TM4SF1: variants seen among roughly 807,000 people sequenced by gnomAD.
TM4SF1 encodes the protein transmembrane 4 L6 family member 1.
Under a neutral mutation model 24.5 loss-of-function variants are expected in TM4SF1, and 20 were observed. The observed-to-expected ratio is 0.82, with a 90% CI of 0.57 to 1.19. The LOEUF (loss-of-function observed/expected upper bound fraction) is 1.19. Among genes scored for constraint, TM4SF1 ranks in the 50% most tolerant of loss-of-function variants. The pLI, the probability that TM4SF1 is intolerant of heterozygous loss-of-function variation, is 0.00. For missense variants in TM4SF1, 258 were observed against 248.1 expected (o/e 1.04, Z -0.27); for synonymous variants, 107 against 95.4 (o/e 1.12, Z -0.71).
chr3:149,371,593 T>TC, intron 4 of TM4SF1, 94 bp downstream of exon 4: 1 of 1,271,820 alleles, frequency 7.9e-7, no homozygotes, highest in South Asian at 1.2e-5. Flanking sequence ...TGCTGGTAGG[T>TC]CGAGCATGTT....
At chr3:149,369,920 TAAATAATGATGAC>T in intron 4 of TM4SF1, 40 bp from the exon 5 acceptor site, 1 of 1,586,546 alleles carries the variant, frequency 6.3e-7, no homozygotes, top group Non-Finnish European at 8.5e-7. Flanking sequence ...ATAATCAGGA[TAAATAATGATGAC>T]ATTTTAGTCC....
rs191701440 is a variant in TM4SF1, at chr3:149,371,167, C to G, written c.594+520G>C. 8.6e-4 allele frequency: 132 copies of G among 154,234 alleles called. 1 individual carries two copies. The highest frequency in any genetic ancestry group is 9.2e-4 in the Non-Finnish European group (64 of 69,482). The allele number at this position is 154,234 out of a possible 1,614,324, so 9.6% of individuals were successfully genotyped here. On this transcript the variant is annotated intron_variant, in intron 4 of 4. Transcript: ENST00000305366. ...AATTGCAGAAAATCCAACCAAACAG[C>G]AAGTGTGGAATACAGGTTAAAAGTA...
chr3:149,375,339 G>C, intron 3 of TM4SF1, 104 bp downstream of exon 3: 1 of 1,420,584 alleles, frequency 7.0e-7, no homozygotes, highest in South Asian at 1.3e-5. Context: ...CTGGCTAGGT[G>C]GGTGGATGGA....
chr3:149,370,232 T>A (rs779155690), intron 4 of TM4SF1: 28 of 196,078 alleles, frequency 1.4e-4, no homozygotes, highest in Non-Finnish European at 2.5e-4. Context: ...CCTTTCAAAT[T>A]AAATGCTACC....
At chr3:149,369,992 G>T (rs1731782448) in intron 4 of TM4SF1, 112 bp from the exon 5 acceptor site, 1 of 1,353,526 alleles carries the variant, frequency 7.4e-7, no homozygotes, top group African/African-American at 1.5e-5. Flanking sequence ...CTTAGCTTCA[G>T]CAAAGCTTAG....
At chr3:149,376,520 T>A (rs534996459) in intron 1 of TM4SF1, among the ~76,000 whole-genome samples, 61 of 152,180 alleles carry the variant, frequency 4.0e-4, no homozygotes, top group Non-Finnish European at 8.2e-4. Flanking sequence ...AAAATAAAAT[T>A]AAATAAAATC....
intron 1 of TM4SF1, among the ~76,000 whole-genome samples, chr3:149,376,537 A>G (rs1262202428): frequency 6.6e-6 from 1 of 152,238 alleles, no homozygotes; most frequent in African/African-American, 2.4e-5. Flanking sequence ...AATCTCATTA[A>G]ATAAATAATT....
intron 3 of TM4SF1, among the ~76,000 whole-genome samples, chr3:149,374,740 T>C (rs1360802133): frequency 6.6e-6 from 1 of 151,756 alleles, no homozygotes; most frequent in Non-Finnish European, 1.5e-5. Context: ...TGAGTGCATG[T>C]ATACACAGGG....
rs1576851015 is a variant in TM4SF1 at position 149,377,499 on chromosome 3, G to A, written c.49C>T (p.Leu17Phe). The A allele has an allele frequency of 6.2e-7, 1 of 1,614,106 alleles. No individual in the cohort carries two copies. ...ARCIGHSLVGLALLCIAANIL... is the reference protein window; with the variant it reads ...ARCIGHSLVGFALLCIAANIL... The stretch of plus-strand genomic sequence containing the variant: ...TTAGCCGCGATGCACAGGAGGGCGA[G>A]CCCCACCAGAGAATGTCCGATGCAT... Residue 17 changes from leucine (L) to phenylalanine (F), a missense_variant, in exon 1 of 5, where the codon CTC becomes TTC. Leu to Phe is a conservative substitution (Grantham distance 22, BLOSUM62 0). Coordinates refer to ENST00000305366, the MANE Select transcript of TM4SF1 (RefSeq NM_014220.3).
rs1307431333 is a variant in TM4SF1, at chr3:149,371,737, T to C, written c.544A>G (p.Ile182Val). The change falls in exon 4 of 5, where the codon ATA becomes GTA. Residue 182 changes from isoleucine to valine, a missense_variant. By Grantham distance (29) the Ile-to-Val change is conservative. Transcript: ENST00000305366. ...CATATGCCTCCAAGCACTCCATTTA[T>C]TACTTGAATAAGACACAAGATGAAT... ...IEFILCLIQV[I>V]NGVLGGICGF... 3.1e-6 allele frequency: 5 copies of C among 1,614,188 alleles called. No homozygotes were observed. Among genetic ancestry groups the C allele is most frequent in the Admixed American group, 3.3e-5 (2 of 60,020 alleles).
intron 3 of TM4SF1, among the ~76,000 whole-genome samples, chr3:149,372,200 T>C (rs1005791379): frequency 6.6e-6 from 1 of 152,224 alleles, no homozygotes; most frequent in Admixed American, 6.5e-5. Flanking sequence ...ATTTGTGCTG[T>C]GTTTAAAGCT....
chr3:149,375,896 T>C (rs971925603), intron 1 of TM4SF1, 127 bp from the exon 2 acceptor site: 60 of 811,396 alleles, frequency 7.4e-5, no homozygotes, highest in Admixed American at 1.9e-4. Flanking sequence ...GTTGACCAGA[T>C]ATCTCAAAGA....
In TM4SF1 at chr3:149,376,677, C is replaced by T. The variant is rs568369489; in HGVS notation, c.177+694G>A. On this transcript the variant is annotated intron_variant, in intron 1 of 4. Transcript: ENST00000305366. ...TTCTCCTTAAAATTTTTAATCCCAGCACTTTAAAGTAGCAAACTTAAGTTT... is the reference window on the plus strand; with the variant it reads ...TTCTCCTTAAAATTTTTAATCCCAGTACTTTAAAGTAGCAAACTTAAGTTT... Among the ~76,000 whole-genome samples the T allele has an allele frequency of 1.1e-4, 16 of 152,270 alleles. No individual in the cohort carries two copies. The East Asian group carries it at 2.9e-3, about 28-fold the overall frequency.
intron 3 of TM4SF1, 21 bp from the exon 4 acceptor site, chr3:149,371,888 T>G (rs1435740138): frequency 6.2e-7 from 1 of 1,612,626 alleles, no homozygotes; most frequent in Non-Finnish European, 8.5e-7. Flanking sequence ...AAAGAGAAAC[T>G]TCTGACACAC....
Position 149,371,741 on chromosome 3 carries a change from T to C in TM4SF1, c.540A>G (p.Gln180=). 6.2e-7 allele frequency: 1 copy of C among 1,614,174 alleles called. No homozygotes were observed. The highest frequency in any genetic ancestry group is 8.5e-7 in the Non-Finnish European group (1 of 1,180,020). Residue 180 remains glutamine (Q), a synonymous_variant, in exon 4 of 5, where the codon CAA becomes CAG. Transcript: ENST00000305366. ...TGCCTCCAAGCACTCCATTTATTAC[T>C]TGAATAAGACACAAGATGAATTCAA... The part of the protein sequence containing the change: ...GGIEFILCLI[Q]VINGVLGGIC...
intron 1 of TM4SF1, 152 bp downstream of exon 1, chr3:149,377,219 C>T (rs1476843993): frequency 2.0e-6 from 2 of 1,012,080 alleles, no homozygotes; most frequent in South Asian, 1.7e-5. Flanking sequence ...GTACCAATCT[C>T]GCTTTTGTAT....
chr3:149,375,413 T>C, intron 3 of TM4SF1, 30 bp downstream of exon 3: 2 of 1,611,296 alleles, frequency 1.2e-6, no homozygotes, highest in Non-Finnish European at 1.7e-6. Context: ...TGGATAAAAA[T>C]GTGTAGCCAT....
chr3:149,375,860 C>T, intron 1 of TM4SF1, 91 bp from the exon 2 acceptor site: 1 of 1,198,442 alleles, frequency 8.3e-7, no homozygotes, highest in Non-Finnish European at 1.2e-6. Flanking sequence ...TATTTATTTC[C>T]AATGACATTA....
chr3:149,376,630 G>A (rs981183869), intron 1 of TM4SF1, among the ~76,000 whole-genome samples: 2 of 152,104 alleles, frequency 1.3e-5, no homozygotes, highest in African/African-American at 2.4e-5. Context: ...AATTTATCAC[G>A]TATGGTACCA....
Sources: gnomAD v4.1 joint callset for allele counts (sites outside exome capture counted in the v4.1 genomes callset) on GRCh38, gnomAD v4.1.1 for gene constraint, MANE v1.5 for transcripts, NCBI Gene and HGNC (gene_info 2026-07-23, HGNC 2026-07-21) for gene names.